Variants in RNLS observed in about 807,000 individuals in gnomAD.
RNLS encodes renalase.
A neutral mutation model predicts 39.8 loss-of-function variants in RNLS; 39 were observed. The ratio of observed to expected loss-of-function variants is 0.98; its 90% CI spans 0.76 to 1.28. The LOEUF (loss-of-function observed/expected upper bound fraction) is 1.28, where lower values mean the gene tolerates loss of function less well. RNLS is among the 50% of genes most tolerant of loss of function. RNLS has a pLI of 0.00. For missense variants in RNLS, 410 were observed against 413.3 expected (o/e 0.99, Z 0.07); for synonymous variants, 147 against 150.7 (o/e 0.98, Z 0.18).
chr10:88,284,644 C>T lies in RNLS; in HGVS notation c.*710G>A, dbSNP rs949677091. On this transcript the variant is annotated 3_prime_UTR_variant, in exon 7 of 7. Transcript: ENST00000331772. Reference sequence around the variant, plus strand: ...ATAGCAAAAGGTAAGGATCGATATACTTTCTCTCTGTTTCTATTTAATTTT... The same window carrying T: ...ATAGCAAAAGGTAAGGATCGATATATTTTCTCTCTGTTTCTATTTAATTTT... The T allele has an allele frequency of 2.0e-6, 2 of 985,042 alleles. No individual in the cohort carries two copies. Among genetic ancestry groups the T allele is most frequent in the African/African-American group, 3.5e-5 (2 of 57,214 alleles). The allele number at this position is 985,042 out of a possible 1,614,324, so 61.0% of individuals were successfully genotyped here. A position where few individuals can be genotyped will look rare whatever the true frequency, so the allele number is the denominator to read the frequency against.
At chr10:88,265,323 CTTTTTTTTTTTTT>C in the RNLS span, among the ~76,000 whole-genome samples, 16 of 59,068 alleles carry the variant, frequency 2.7e-4, no homozygotes, top group East Asian at 1.0e-3. Context: ...CAGGGTTTTT[CTTTTTTTTTTTTT>C]TTTTTTTTTT....
At chr10:88,381,495 AT>A (rs1851491144) in intron 4 of RNLS, among the ~76,000 whole-genome samples, 3 of 151,774 alleles carry the variant, frequency 2.0e-5, no homozygotes, top group Non-Finnish European at 2.9e-5. Flanking sequence ...TTATATATAT[AT>A]ACATATTAAA....
At chr10:88,243,219 C>T in the RNLS span, among the ~76,000 whole-genome samples, 1 of 152,214 alleles carries the variant, frequency 6.6e-6, no homozygotes, top group Non-Finnish European at 1.5e-5. Context: ...AATATGCCTA[C>T]TTTGCAGATG....
At chr10:88,539,435 C>T (rs189487524) in intron 4 of RNLS, among the ~76,000 whole-genome samples, 23 of 152,238 alleles carry the variant, frequency 1.5e-4, no homozygotes, top group Admixed American at 1.4e-3. Flanking sequence ...AAATTCGTCA[C>T]ACTTTAAAGA....
chr10:88,271,826 T>TA (rs1242514784), downstream of RNLS, among the ~76,000 whole-genome samples: 3 of 152,308 alleles, frequency 2.0e-5, no homozygotes, highest in Non-Finnish European at 4.4e-5. Context: ...CTTGTTCCCC[T>TA]AAAAAGCAGC....
At chr10:88,379,778 G>GACTC (rs1334988344) in intron 4 of RNLS, among the ~76,000 whole-genome samples, 1 of 152,180 alleles carries the variant, frequency 6.6e-6, no homozygotes, top group African/African-American at 2.4e-5. Context: ...GGCTGGTTCT[G>GACTC]ACTCAATCTT....
intron 4 of RNLS, among the ~76,000 whole-genome samples, chr10:88,446,046 T>C (rs1057061911): frequency 4.6e-5 from 7 of 152,124 alleles, no homozygotes; most frequent in Non-Finnish European, 8.8e-5. Context: ...TATTCCAAAA[T>C]TGACCACATA....
intron 6 of RNLS, among the ~76,000 whole-genome samples, chr10:88,299,000 G>A (rs1025523285): frequency 6.6e-6 from 1 of 152,060 alleles, no homozygotes; most frequent in Non-Finnish European, 1.5e-5. Context: ...GCAATGTTTT[G>A]TAGTTTTCAG....
At chr10:88,553,280 T>C (rs1233994649) in intron 4 of RNLS, among the ~76,000 whole-genome samples, 1 of 152,174 alleles carries the variant, frequency 6.6e-6, no homozygotes, top group Admixed American at 6.5e-5. Flanking sequence ...TGGGATGCAT[T>C]TGCAATCATC....
intron 4 of RNLS, among the ~76,000 whole-genome samples, chr10:88,480,637 G>A (rs1452443572): frequency 6.6e-6 from 1 of 152,194 alleles, no homozygotes; most frequent in East Asian, 1.9e-4. Flanking sequence ...GATCAGGCTG[G>A]TTTCGAACTC....
intron 4 of RNLS, among the ~76,000 whole-genome samples, chr10:88,536,439 T>C (rs999742868): frequency 2.0e-5 from 3 of 152,206 alleles, no homozygotes; most frequent in Admixed American, 2.0e-4. Flanking sequence ...ATTCTCCACA[T>C]AGCAGTCAGA....
intron 4 of RNLS, among the ~76,000 whole-genome samples, chr10:88,457,107 CCT>C (rs1353455815): frequency 1.3e-5 from 2 of 152,156 alleles, no homozygotes; most frequent in Non-Finnish European, 2.9e-5. Context: ...CCTTGTGAAA[CCT>C]CAAGAGTTTT....
intron 4 of RNLS, among the ~76,000 whole-genome samples, chr10:88,424,689 C>A (rs1854618340): frequency 6.6e-6 from 1 of 152,092 alleles, no homozygotes; most frequent in Non-Finnish European, 1.5e-5. Flanking sequence ...CTAATCTAGC[C>A]TCCATATAAT....
intron 4 of RNLS, among the ~76,000 whole-genome samples, chr10:88,515,878 C>T (rs183765942): frequency 2.6e-5 from 4 of 152,104 alleles, no homozygotes; most frequent in Admixed American, 2.6e-4. Flanking sequence ...CAGAATGTGA[C>T]TGTATTAGGA....
chr10:88,491,569 T>G (rs1178319769), intron 4 of RNLS, among the ~76,000 whole-genome samples: 1 of 152,188 alleles, frequency 6.6e-6, no homozygotes, highest in Admixed American at 6.5e-5. Flanking sequence ...CATTGTCTCT[T>G]GAATATGTAA....
intron 6 of RNLS, among the ~76,000 whole-genome samples, chr10:88,310,801 C>CAAAAAAAAAAAAAAA (rs577838661): frequency 0.011 from 215 of 19,574 alleles, 10 homozygotes; most frequent in East Asian, 0.021. Context: ...CTACCTCTGC[C>CAAAAAAAAAAAAAAA]AAAAAAAAAA....
intron 5 of RNLS, among the ~76,000 whole-genome samples, chr10:88,352,650 C>A (rs1324858253): frequency 6.6e-6 from 1 of 152,062 alleles, no homozygotes; most frequent in East Asian, 1.9e-4. Flanking sequence ...GGGATATTGG[C>A]CTAAGGTTCT....
At chr10:88,473,152 A>G (rs1427374698) in intron 4 of RNLS, among the ~76,000 whole-genome samples, 1 of 152,216 alleles carries the variant, frequency 6.6e-6, no homozygotes, top group East Asian at 1.9e-4. Context: ...ATCTAAACAC[A>G]GGTAAAAATA....
At chr10:88,376,123 T>TGATAA (rs1011127264) in intron 4 of RNLS, among the ~76,000 whole-genome samples, 1 of 152,134 alleles carries the variant, frequency 6.6e-6, no homozygotes, top group African/African-American at 2.4e-5. Flanking sequence ...CTTCCTTGGT[T>TGATAA]GATAAGATTC....
Sources: allele counts gnomAD v4.1 joint callset (sites outside exome capture counted in the v4.1 genomes callset), GRCh38; gene constraint gnomAD v4.1.1; transcripts MANE v1.5; gene names NCBI Gene and HGNC (gene_info 2026-07-23, HGNC 2026-07-21).